Variants in PSMD1 observed in about 807,000 individuals in gnomAD.
PSMD1 encodes 26S proteasome non-ATPase regulatory subunit 1.
In PSMD1, 18 loss-of-function variants were observed where a neutral mutation model predicts 119.0. That is an observed-to-expected ratio of 0.15 (90% CI 0.10 to 0.22). The LOEUF is 0.22. Among genes scored for constraint, PSMD1 ranks in the 10% least tolerant of loss-of-function variants. The pLI is 1.00. For synonymous variants in PSMD1, 374 were observed against 396.6 expected (o/e 0.94, Z 0.68); for missense variants, 702 against 1,158.5 (o/e 0.61, Z 5.72).
chr2:231,141,792 A>G (rs1696123842), intron 17 of PSMD1, among the ~76,000 whole-genome samples: 1 of 152,180 alleles, frequency 6.6e-6, no homozygotes, highest in South Asian at 2.1e-4. Flanking sequence ...CAAGATCATT[A>G]AAGGATGTGA....
At chr2:231,158,552 C>T (rs1030848519) in intron 19 of PSMD1, among the ~76,000 whole-genome samples, 1 of 152,070 alleles carries the variant, frequency 6.6e-6, no homozygotes, top group African/African-American at 2.4e-5. Context: ...CTTCGAAGTC[C>T]GAAGAAGATA....
At position 231,090,490 on chromosome 2, in the gene PSMD1, C is replaced by T. The variant is rs191372075; in HGVS notation, c.1883+3309C>T. Among the ~76,000 whole-genome samples the T allele has an allele frequency of 7.5e-3, 1,143 of 152,164 alleles. 22 individuals carry two copies. Among genetic ancestry groups the T allele is most frequent in the African/African-American group, 0.026 (1,097 of 41,516 alleles). ...AGGAAAATCACTTGAACCTGGGAGG[C>T]GGAGGTTGCAGTGAGCTGAGATCAC... is the stretch of plus-strand genomic sequence containing the variant. On this transcript the variant is annotated intron_variant, in intron 16 of 24. Coordinates refer to ENST00000308696, the MANE Select transcript of PSMD1 (RefSeq NM_002807.4).
chr2:231,146,006 A>G (rs904400567), intron 17 of PSMD1, among the ~76,000 whole-genome samples: 6 of 151,910 alleles, frequency 3.9e-5, no homozygotes, highest in African/African-American at 1.5e-4. Context: ...TATTTTTTAA[A>G]CTTTTTTGTA....
intron 5 of PSMD1, among the ~76,000 whole-genome samples, chr2:231,068,240 C>G (rs1466466056): frequency 6.6e-6 from 1 of 152,144 alleles, no homozygotes; most frequent in African/African-American, 2.4e-5. Context: ...ATCCCCAAAA[C>G]CTAACACAGT....
chr2:231,062,615 C>T lies in PSMD1; in HGVS notation c.244C>T (p.Leu82Phe). 1 of 1,613,548 alleles carries T rather than the reference C, an allele frequency of 6.2e-7. No individual in the cohort carries two copies. Among genetic ancestry groups the T allele is most frequent in the Non-Finnish European group, 8.5e-7 (1 of 1,179,764 alleles). The change falls in exon 4 of 25, where the codon CTT becomes TTT. Residue 82 changes from leucine (L) to phenylalanine (F), a missense_variant. Coordinates refer to ENST00000308696, the MANE Select transcript of PSMD1 (RefSeq NM_002807.4). Reference sequence around the variant, plus strand: ...TTTTGAGGAGTCTCTGAATTATGCTCTTGGAGCAGGGGACCTCTTCAATGT... The same window carrying T: ...TTTTGAGGAGTCTCTGAATTATGCTTTTGGAGCAGGGGACCTCTTCAATGT... Reference protein sequence around the residue: ...GAFEESLNYALGAGDLFNVND... With the variant: ...GAFEESLNYAFGAGDLFNVND...
chr2:231,090,133 A>AATCTCCCC (rs1323326081), intron 16 of PSMD1, among the ~76,000 whole-genome samples: 1 of 152,258 alleles, frequency 6.6e-6, no homozygotes, highest in Non-Finnish European at 1.5e-5. Context: ...ATGGAGTTGT[A>AATCTCCCC]CAAGGAGATT....
intron 5 of PSMD1, among the ~76,000 whole-genome samples, chr2:231,067,428 A>G (rs1693935437): frequency 6.6e-6 from 1 of 152,192 alleles, no homozygotes; most frequent in Non-Finnish European, 1.5e-5. Context: ...ACTCAGCTAG[A>G]TTCCTGGTTT....
chr2:231,141,340 G>A (rs1398952006), intron 17 of PSMD1, among the ~76,000 whole-genome samples: 1 of 150,206 alleles, frequency 6.7e-6, no homozygotes, highest in Non-Finnish European at 1.5e-5. Flanking sequence ...ACTACACATG[G>A]CAACAATTGT....
intron 16 of PSMD1, among the ~76,000 whole-genome samples, chr2:231,117,338 A>G (rs949827655): frequency 2.0e-5 from 3 of 152,140 alleles, no homozygotes; most frequent in Admixed American, 6.5e-5. Flanking sequence ...ACAGTTACAT[A>G]CTTAAATGGA....
intron 16 of PSMD1, among the ~76,000 whole-genome samples, chr2:231,109,610 G>A (rs758350686): frequency 1.2e-4 from 19 of 152,186 alleles, no homozygotes; most frequent in East Asian, 3.8e-4. Flanking sequence ...GTTTTTAAAC[G>A]GAGATTGGTT....
chr2:231,132,896 C>A (rs148956376), intron 16 of PSMD1, among the ~76,000 whole-genome samples: 1 of 152,122 alleles, frequency 6.6e-6, no homozygotes, highest in East Asian at 1.9e-4. Flanking sequence ...CTTGACTTGG[C>A]GGCAGATTAT....
chr2:231,155,203 G>A (rs17586484), intron 19 of PSMD1, among the ~76,000 whole-genome samples: 12,569 of 152,082 alleles, frequency 0.083, 659 homozygotes, highest in South Asian at 0.21. Flanking sequence ...AACATCTCAA[G>A]GTTTTTATAG....
intron 16 of PSMD1, among the ~76,000 whole-genome samples, chr2:231,134,359 G>A (rs1433112310): frequency 6.6e-6 from 1 of 152,156 alleles, no homozygotes; most frequent in African/African-American, 2.4e-5. Flanking sequence ...TAGAACCGCT[G>A]TATCAGACAA....
chr2:231,082,981 T>C lies in PSMD1; in HGVS notation c.1512T>C (p.Asp504=), dbSNP rs1258243959. The part of the protein sequence containing the change: ...YDLLKTNLYQ[D]DAVTGEAAGL... ...TGCTAAAAACAAACCTTTATCAGGA[T>C]GATGCAGTAACAGGTAAGCATTTCT... is the stretch of plus-strand genomic sequence containing the variant. Residue 504 remains aspartate, a synonymous_variant, in exon 13 of 25, where the codon GAT becomes GAC. Coordinates refer to ENST00000308696, the MANE Select transcript of PSMD1 (RefSeq NM_002807.4). The C allele has an allele frequency of 6.2e-7, 1 of 1,611,678 alleles. No homozygotes were observed. Among genetic ancestry groups the C allele is most frequent in the African/African-American group, 1.3e-5 (1 of 74,896 alleles).
chr2:231,082,354 C>T (rs990105986), intron 12 of PSMD1, among the ~76,000 whole-genome samples: 2 of 152,214 alleles, frequency 1.3e-5, no homozygotes, highest in Non-Finnish European at 2.9e-5. Flanking sequence ...GCATGAGCCA[C>T]CAGTCCAGCC....
chr2:231,108,692 T>G, intron 16 of PSMD1: 1 of 1,614,106 alleles, frequency 6.2e-7, no homozygotes, highest in Non-Finnish European at 8.5e-7. Context: ...AAACTTAGAG[T>G]TCTCTGCCAT....
intron 16 of PSMD1, among the ~76,000 whole-genome samples, chr2:231,096,615 T>C (rs111983816): frequency 5.3e-4 from 81 of 152,368 alleles, no homozygotes; most frequent in African/African-American, 1.8e-3. Context: ...AAATAGCACT[T>C]GAATATAAAA....
intron 17 of PSMD1, among the ~76,000 whole-genome samples, chr2:231,143,775 C>A (rs1574767351): frequency 6.6e-6 from 1 of 152,324 alleles, no homozygotes; most frequent in African/African-American, 2.4e-5. Flanking sequence ...TATGCCTGAA[C>A]TCCCAAACTT....
At chr2:231,110,707 C>T (rs1475145805) in intron 16 of PSMD1, among the ~76,000 whole-genome samples, 1 of 152,242 alleles carries the variant, frequency 6.6e-6, no homozygotes, top group Non-Finnish European at 1.5e-5. Flanking sequence ...ACTTGTTCTA[C>T]ACCAGGGGTC....
Sources: gnomAD v4.1 joint callset for allele counts (sites outside exome capture counted in the v4.1 genomes callset) on GRCh38, gnomAD v4.1.1 for gene constraint, MANE v1.5 for transcripts, NCBI Gene and HGNC (gene_info 2026-07-23, HGNC 2026-07-21) for gene names.